FNIP1: variants seen among roughly 807,000 people sequenced by gnomAD.
FNIP1 encodes folliculin interacting protein 1.
Under a neutral mutation model 124.5 loss-of-function variants are expected in FNIP1, and 40 were observed. The ratio of observed to expected loss-of-function variants is 0.32; its 90% CI spans 0.25 to 0.42. The LOEUF is 0.42. FNIP1 is among the 10% of genes least tolerant of loss of function. The pLI is 1.00. For synonymous variants in FNIP1, 472 were observed against 470.6 expected (o/e 1.00, Z -0.04); for missense variants, 1,176 against 1,403.7 (o/e 0.84, Z 2.59).
intron 1 of FNIP1, among the ~76,000 whole-genome samples, chr5:131,758,677 GT>G (rs1314969275): frequency 6.6e-6 from 1 of 152,134 alleles, no homozygotes; most frequent in Non-Finnish European, 1.5e-5. Context: ...TGCTCTGCAT[GT>G]TTTTTTATCT....
intron 1 of FNIP1, among the ~76,000 whole-genome samples, chr5:131,772,807 G>A (rs987597280): frequency 5.9e-5 from 9 of 152,064 alleles, no homozygotes; most frequent in Admixed American, 4.6e-4. Context: ...TGTAATAACT[G>A]CAACAGTGCT....
chr5:131,754,400 C>T (rs1056852225), intron 1 of FNIP1, among the ~76,000 whole-genome samples: 9 of 152,122 alleles, frequency 5.9e-5, no homozygotes, highest in Admixed American at 5.2e-4. Context: ...AAACGACATA[C>T]AATAAATAAT....
intron 15 of FNIP1, among the ~76,000 whole-genome samples, chr5:131,666,487 G>A (rs1336360995): frequency 6.6e-6 from 1 of 152,138 alleles, no homozygotes; most frequent in African/African-American, 2.4e-5. Context: ...CTTTGTAATG[G>A]TGATTTTGCT....
rs77347141 is a variant in FNIP1 at position 131,754,626 on chromosome 5, G to C, written c.93-9936C>G. Among the ~76,000 whole-genome samples the C allele has an allele frequency of 6.5e-3, 991 of 152,364 alleles. 3 individuals carry two copies. The highest frequency in any genetic ancestry group is 0.027 in the Middle Eastern group (8 of 294). On this transcript the variant is annotated intron_variant, in intron 1 of 17. Transcript: ENST00000510461. ...AAAACAGCATCTGCTGTAATTCTTA[G>C]TGACCCTAGCTCAGAAGTGTGCAAT...
chr5:131,780,491 T>A (rs1371712921), intron 1 of FNIP1, among the ~76,000 whole-genome samples: 3 of 152,114 alleles, frequency 2.0e-5, no homozygotes, highest in Non-Finnish European at 2.9e-5. Flanking sequence ...TTATTTTTAT[T>A]TTTTTTACAA....
chr5:131,793,851 C>G (rs2149592562), intron 1 of FNIP1, among the ~76,000 whole-genome samples: 1 of 152,082 alleles, frequency 6.6e-6, no homozygotes, highest in Non-Finnish European at 1.5e-5. Context: ...TAGAACAAAA[C>G]AAAACACCCA....
intron 2 of FNIP1, among the ~76,000 whole-genome samples, chr5:131,740,804 A>G (rs1770487277): frequency 2.6e-5 from 4 of 152,178 alleles, no homozygotes; most frequent in Admixed American, 2.6e-4. Context: ...TTGGCACAAG[A>G]CATAAGTCAT....
At chr5:131,678,757 G>A (rs1318403824) in intron 12 of FNIP1, among the ~76,000 whole-genome samples, 2 of 151,984 alleles carry the variant, frequency 1.3e-5, no homozygotes, top group Non-Finnish European at 2.9e-5. Context: ...AACTATAAAT[G>A]GATACAACTC....
chr5:131,771,791 T>G (rs574205091), intron 1 of FNIP1, among the ~76,000 whole-genome samples: 1 of 152,278 alleles, frequency 6.6e-6, no homozygotes, highest in African/African-American at 2.4e-5. Context: ...TTTAAAAAGT[T>G]TTACGTTACT....
chr5:131,655,801 C>T (rs1210089946), intron 15 of FNIP1, among the ~76,000 whole-genome samples: 1 of 151,932 alleles, frequency 6.6e-6, no homozygotes, highest in Non-Finnish European at 1.5e-5. Flanking sequence ...GCCTGCAATC[C>T]CAGCTACTCC....
At chr5:131,704,029 T>C (rs1396831552) in intron 10 of FNIP1, 36 bp downstream of exon 10, 1 of 1,492,216 alleles carries the variant, frequency 6.7e-7, no homozygotes, top group Admixed American at 2.1e-5. Flanking sequence ...AATAAGATTT[T>C]AAAAGGAAAA....
At chr5:131,728,234 GT>G (rs1409830629) in intron 3 of FNIP1, among the ~76,000 whole-genome samples, 1 of 152,164 alleles carries the variant, frequency 6.6e-6, no homozygotes, top group Non-Finnish European at 1.5e-5. Flanking sequence ...GTCTTGCTAT[GT>G]TGGGAAAGTT....
At chr5:131,667,399 T>C (rs1285447092) in intron 15 of FNIP1, among the ~76,000 whole-genome samples, 9 of 152,218 alleles carry the variant, frequency 5.9e-5, no homozygotes, top group Non-Finnish European at 1.3e-4. Context: ...AAATTGTTTT[T>C]ATCTATATTT....
At chr5:131,766,768 T>G (rs1338954317) in intron 1 of FNIP1, among the ~76,000 whole-genome samples, 1 of 152,188 alleles carries the variant, frequency 6.6e-6, no homozygotes, top group Non-Finnish European at 1.5e-5. Flanking sequence ...GGTGAGCCAC[T>G]GGTATAGGTC....
intron 11 of FNIP1, among the ~76,000 whole-genome samples, chr5:131,688,694 C>T (rs1262067871): frequency 8.4e-6 from 1 of 119,584 alleles, no homozygotes; most frequent in Non-Finnish European, 1.8e-5. Flanking sequence ...AAAGGAAATG[C>T]TAGCAATTAA....
At chr5:131,782,910 G>A (rs997253991) in intron 1 of FNIP1, among the ~76,000 whole-genome samples, 3 of 152,222 alleles carry the variant, frequency 2.0e-5, no homozygotes, top group Non-Finnish European at 2.9e-5. Flanking sequence ...TGATCCGTCC[G>A]CCTCGGCCTC....
chr5:131,731,090 C>A, intron 2 of FNIP1, 52 bp from the exon 3 acceptor site: 1 of 1,518,254 alleles, frequency 6.6e-7, no homozygotes, highest in Non-Finnish European at 8.9e-7. Context: ...TAACCATATA[C>A]AAATTTCATC....
intron 12 of FNIP1, among the ~76,000 whole-genome samples, 182 bp from the exon 13 acceptor site, chr5:131,678,054 T>A (rs1342469163): frequency 6.6e-6 from 1 of 152,186 alleles, no homozygotes; most frequent in Non-Finnish European, 1.5e-5. Flanking sequence ...GTTAATAGTT[T>A]CTGGTTGAGG....
chr5:131,644,493 C>G lies in FNIP1; in HGVS notation c.*192G>C. On this transcript the variant is annotated 3_prime_UTR_variant, in exon 18 of 18. Transcript: ENST00000510461. ...TCATTTGTTTAAAAATCTACCACCA[C>G]CCAAAAGTCCAGTCAAAAAGAAAAA... 2.3e-6 allele frequency: 1 copy of G among 432,340 alleles called. No homozygotes were observed. 26.8% of individuals were successfully genotyped at this position (432,340 alleles called of 1,614,324 possible). A position where few individuals can be genotyped will look rare whatever the true frequency, so the allele number is the denominator to read the frequency against.
Sources: gnomAD v4.1 joint callset for allele counts (sites outside exome capture counted in the v4.1 genomes callset) on GRCh38, gnomAD v4.1.1 for gene constraint, MANE v1.5 for transcripts, NCBI Gene and HGNC (gene_info 2026-07-23, HGNC 2026-07-21) for gene names.